The following PPP2R2B variants were observed in gnomAD, a reference collection of about 807,000 sequenced individuals.
PPP2R2B encodes protein phosphatase 2 regulatory subunit Bbeta, also known as serine/threonine-protein phosphatase 2A 55 kDa regulatory subunit B beta isoform.
A neutral mutation model predicts 46.0 loss-of-function variants in PPP2R2B; 5 were observed. The observed-to-expected ratio is 0.11, with a 90% confidence interval of 0.06 to 0.23. The LOEUF (loss-of-function observed/expected upper bound fraction) is 0.23. Among genes scored for constraint, PPP2R2B ranks in the 10% least tolerant of loss-of-function variants. PPP2R2B has a pLI of 1.00. For missense variants in PPP2R2B, 367 were observed against 575.0 expected, an observed-to-expected ratio of 0.64 and a Z score of 3.70; for synonymous variants, 215 against 206.7, an observed-to-expected ratio of 1.04 and a Z score of -0.34.
At chr5:146,856,671 C>G (rs543675179) in intron 2 of PPP2R2B, 75 of 862,282 alleles carry the variant, frequency 8.7e-5, no homozygotes, top group Non-Finnish European at 1.3e-4. Context: ...TACATACTTT[C>G]CACATACCCC....
chr5:146,852,915 G>A (rs1317883174), intron 2 of PPP2R2B, among the ~76,000 whole-genome samples: 1 of 152,112 alleles, frequency 6.6e-6, no homozygotes, highest in African/African-American at 2.4e-5. Flanking sequence ...ATTTTTAAAA[G>A]TGCAATTAGA....
chr5:146,703,932 A>G (rs989374125), intron 2 of PPP2R2B, among the ~76,000 whole-genome samples: 2 of 152,210 alleles, frequency 1.3e-5, no homozygotes, highest in African/African-American at 4.8e-5. Context: ...CCTCTTGCAG[A>G]GTCCTTACCT....
chr5:146,877,720 G>T (rs1377083052), intron 2 of PPP2R2B, among the ~76,000 whole-genome samples: 1 of 152,108 alleles, frequency 6.6e-6, no homozygotes, highest in Non-Finnish European at 1.5e-5. Context: ...CCTTCCTGGG[G>T]TCATCTTTCT....
chr5:147,048,885 G>T (rs555120190), intron 1 of PPP2R2B, among the ~76,000 whole-genome samples: 12 of 152,214 alleles, frequency 7.9e-5, no homozygotes, highest in Non-Finnish European at 1.5e-4. Flanking sequence ...CTGCCTACTG[G>T]AGATATAGAA....
chr5:146,763,200 C>T (rs936921686), intron 2 of PPP2R2B, among the ~76,000 whole-genome samples: 1 of 152,306 alleles, frequency 6.6e-6, no homozygotes, highest in South Asian at 2.1e-4. Flanking sequence ...GCTCCACGAC[C>T]TGCTCAGGGT....
rs1407498734 is a variant in PPP2R2B at position 146,583,491 on chromosome 5, G to A, written c.*6456C>T. 1 of 152,110 alleles carries A rather than the reference G, an allele frequency of 6.6e-6. No individual in the cohort carries two copies. Among genetic ancestry groups the A allele is most frequent in the East Asian group, 1.9e-4 (1 of 5,190 alleles). 9.4% of individuals were successfully genotyped at this position (152,110 alleles called of 1,614,324 possible). ...TTTCTAGGTTGCTCAGCTTTTACATGGTGGAGCTCAGATTTTAACCCAGGC... is the reference window on the plus strand; with the variant it reads ...TTTCTAGGTTGCTCAGCTTTTACATAGTGGAGCTCAGATTTTAACCCAGGC... On this transcript the variant is annotated 3_prime_UTR_variant, in exon 10 of 10. Coordinates refer to ENST00000394411, the MANE Select transcript of PPP2R2B (RefSeq NM_181675.4).
chr5:147,001,426 A>G (rs898700812), intron 1 of PPP2R2B, among the ~76,000 whole-genome samples: 1 of 151,980 alleles, frequency 6.6e-6, no homozygotes, highest in African/African-American at 2.4e-5. Context: ...GAGCTGTAAC[A>G]CTCACTGCAA....
chr5:146,756,342 AG>A (rs1281750853), intron 2 of PPP2R2B, among the ~76,000 whole-genome samples: 2 of 152,182 alleles, frequency 1.3e-5, no homozygotes, highest in Non-Finnish European at 1.5e-5. Flanking sequence ...CAGCATCTGC[AG>A]AGATTACTCT....
intron 4 of PPP2R2B, among the ~76,000 whole-genome samples, chr5:146,693,093 G>A (rs1778967752): frequency 6.6e-6 from 1 of 152,028 alleles, no homozygotes; most frequent in Admixed American, 6.6e-5. Context: ...CCACTCAGTA[G>A]GTACATAACC....
intron 2 of PPP2R2B, among the ~76,000 whole-genome samples, chr5:146,784,261 T>G (rs947177061): frequency 6.6e-6 from 1 of 152,154 alleles, no homozygotes; most frequent in Admixed American, 6.6e-5. Flanking sequence ...AAAAATTTAG[T>G]CACAACTAAA....
chr5:146,827,402 G>A (rs369323994), intron 2 of PPP2R2B, among the ~76,000 whole-genome samples: 45 of 151,116 alleles, frequency 3.0e-4, no homozygotes, highest in African/African-American at 1.0e-3. Context: ...AATACAATAC[G>A]AATAAAAGGG....
intron 2 of PPP2R2B, among the ~76,000 whole-genome samples, chr5:146,822,546 T>A (rs1758330326): frequency 6.6e-6 from 1 of 151,638 alleles, no homozygotes; most frequent in African/African-American, 2.4e-5. Flanking sequence ...TTTTTTTTTT[T>A]TTTTTGCTTT....
chr5:146,698,238 G>T, intron 3 of PPP2R2B, 94 bp from the exon 4 acceptor site: 1 of 1,054,922 alleles, frequency 9.5e-7, no homozygotes, highest in Non-Finnish European at 1.3e-6. Flanking sequence ...GTCATTGGGG[G>T]TGGGATGAGG....
intron 2 of PPP2R2B, among the ~76,000 whole-genome samples, chr5:146,738,147 A>G (rs1212273870): frequency 6.6e-6 from 1 of 152,084 alleles, no homozygotes; most frequent in East Asian, 1.9e-4. Context: ...CTGTAATCCC[A>G]GCACTTTGGG....
intron 1 of PPP2R2B, among the ~76,000 whole-genome samples, chr5:147,025,448 C>A (rs7727336): frequency 6.6e-6 from 1 of 150,994 alleles, no homozygotes; most frequent in South Asian, 2.1e-4. Flanking sequence ...TAAAGTCACG[C>A]GAAGACATTA....
intron 1 of PPP2R2B, among the ~76,000 whole-genome samples, chr5:146,889,998 G>C (rs1762445164): frequency 6.6e-6 from 1 of 152,216 alleles, no homozygotes; most frequent in Non-Finnish European, 1.5e-5. Context: ...ACGAGCATGA[G>C]ACCTGGTGTC....
chr5:146,992,095 T>G (rs1753721260), intron 1 of PPP2R2B, among the ~76,000 whole-genome samples: 1 of 151,482 alleles, frequency 6.6e-6, no homozygotes, highest in African/African-American at 2.4e-5. Context: ...GAACAAAGAG[T>G]TATTAAACCA....
At chr5:146,606,563 A>G (rs1435727384) in intron 7 of PPP2R2B, among the ~76,000 whole-genome samples, 2 of 152,236 alleles carry the variant, frequency 1.3e-5, no homozygotes, top group Non-Finnish European at 2.9e-5. Flanking sequence ...ATCACTTAGC[A>G]AAGCGTCTGT....
At chr5:146,996,214 G>A (rs999876466) in intron 1 of PPP2R2B, among the ~76,000 whole-genome samples, 34 of 152,128 alleles carry the variant, frequency 2.2e-4, no homozygotes, top group African/African-American at 7.0e-4. Context: ...GAGGAAAAAA[G>A]TATTTCTAGT....
Sources: allele counts gnomAD v4.1 joint callset (sites outside exome capture counted in the v4.1 genomes callset), GRCh38; gene constraint gnomAD v4.1.1; transcripts MANE v1.5; gene names NCBI Gene and HGNC (gene_info 2026-07-23, HGNC 2026-07-21).